Variants in ZFHX3 observed in about 807,000 individuals in gnomAD.
ZFHX3 encodes zinc finger homeobox 3.
ZFHX3 carries 42 observed loss-of-function variants against 279.1 expected under a neutral mutation model. The observed-to-expected ratio is 0.15, with a 90% CI of 0.12 to 0.19. The LOEUF (loss-of-function observed/expected upper bound fraction) is 0.19, where lower values mean the gene tolerates loss of function less well. Among genes scored for constraint, ZFHX3 ranks in the 10% least tolerant of loss-of-function variants. ZFHX3 has a pLI of 1.00. For synonymous variants in ZFHX3, 2,293 were observed against 1,957.8 expected (o/e 1.17, Z -4.52); for missense variants, 4,981 against 4,754.0 (o/e 1.05, Z -1.40).
At chr16:73,331,944 G>C (rs749082553) in intron 3 of ZFHX3, among the ~76,000 whole-genome samples, 1 of 152,126 alleles carries the variant, frequency 6.6e-6, no homozygotes, top group Non-Finnish European at 1.5e-5. Context: ...GTGGTTAAAA[G>C]TCCTATACCA....
intron 1 of ZFHX3, among the ~76,000 whole-genome samples, chr16:73,748,322 C>A (rs958313954): frequency 1.3e-5 from 2 of 152,188 alleles, no homozygotes; most frequent in African/African-American, 2.4e-5. Context: ...CTGATTGCCT[C>A]CATCTACCAT....
chr16:73,454,693 C>G (rs528888190), intron 3 of ZFHX3, among the ~76,000 whole-genome samples: 1 of 152,074 alleles, frequency 6.6e-6, no homozygotes, highest in African/African-American at 2.4e-5. Context: ...GTATCACCCC[C>G]CTCTCCCCCA....
intron 2 of ZFHX3, among the ~76,000 whole-genome samples, chr16:73,571,813 G>A (rs942032090): frequency 2.2e-4 from 34 of 151,998 alleles, no homozygotes; most frequent in African/African-American, 7.0e-4. Context: ...TCGTGAAAGG[G>A]GTGTCTCAAA....
At chr16:73,530,762 T>C (rs1006740616) in intron 2 of ZFHX3, among the ~76,000 whole-genome samples, 1 of 152,200 alleles carries the variant, frequency 6.6e-6, no homozygotes, top group African/African-American at 2.4e-5. Context: ...ACATGATTGT[T>C]TGTGTGCTTA....
intron 4 of ZFHX3, among the ~76,000 whole-genome samples, chr16:72,876,313 T>C (rs1567559738): frequency 6.6e-6 from 1 of 152,184 alleles, no homozygotes; most frequent in Non-Finnish European, 1.5e-5. Flanking sequence ...TTGAGAAACA[T>C]GATGGAATAA....
intron 2 of ZFHX3, among the ~76,000 whole-genome samples, chr16:73,624,573 C>T (rs1048358335): frequency 1.3e-5 from 2 of 151,406 alleles, no homozygotes; most frequent in African/African-American, 4.9e-5. Flanking sequence ...ATAGAATGTC[C>T]ATCATTTTTT....
chr16:73,170,223 GTTT>G (rs1156523996), intron 5 of ZFHX3, among the ~76,000 whole-genome samples: 31 of 57,742 alleles, frequency 5.4e-4, no homozygotes, highest in African/African-American at 1.0e-3. Flanking sequence ...CCTTTCACTA[GTTT>G]TTTTTTTTTT....
chr16:73,834,148 T>C (rs1178461121), intron 1 of ZFHX3, among the ~76,000 whole-genome samples: 2 of 152,186 alleles, frequency 1.3e-5, no homozygotes, highest in Admixed American at 6.5e-5. Context: ...AGGTTGATTC[T>C]GGAATGTCTG....
chr16:73,620,792 A>C (rs957088625), intron 2 of ZFHX3, among the ~76,000 whole-genome samples: 1 of 152,234 alleles, frequency 6.6e-6, no homozygotes, highest in Admixed American at 6.5e-5. Flanking sequence ...ATTGGCTAAA[A>C]ATCAAGAATA....
At chr16:73,095,171 C>T (rs988572353) in intron 7 of ZFHX3, among the ~76,000 whole-genome samples, 1 of 152,112 alleles carries the variant, frequency 6.6e-6, no homozygotes, top group African/African-American at 2.4e-5. Context: ...GTGATCCTCC[C>T]ACTTTGGCCT....
chr16:73,010,676 G>A (rs1477426631), intron 1 of ZFHX3, among the ~76,000 whole-genome samples: 1 of 152,136 alleles, frequency 6.6e-6, no homozygotes, highest in Non-Finnish European at 1.5e-5. Flanking sequence ...TCTCCACTCT[G>A]CCTGATGTGC....
At chr16:73,375,519 G>GAC (rs1278396776) in intron 3 of ZFHX3, among the ~76,000 whole-genome samples, 2 of 151,952 alleles carry the variant, frequency 1.3e-5, no homozygotes, top group Non-Finnish European at 2.9e-5. Context: ...AAAAATTGTA[G>GAC]ACACACACAC....
intron 4 of ZFHX3, among the ~76,000 whole-genome samples, chr16:73,316,528 A>G (rs1185432725): frequency 1.3e-5 from 2 of 152,182 alleles, no homozygotes; most frequent in African/African-American, 4.8e-5. Flanking sequence ...CCTAATACCT[A>G]GTAGATACTC....
At chr16:73,621,286 AG>A (rs933366048) in intron 2 of ZFHX3, among the ~76,000 whole-genome samples, 5 of 152,166 alleles carry the variant, frequency 3.3e-5, no homozygotes, top group Admixed American at 6.5e-5. Context: ...CCAAATTTCT[AG>A]GTCTCGATAA....
chr16:73,800,372 C>A (rs1489834393), intron 1 of ZFHX3, among the ~76,000 whole-genome samples: 1 of 151,996 alleles, frequency 6.6e-6, no homozygotes, highest in Admixed American at 6.6e-5. Flanking sequence ...TGCACACCAC[C>A]CGCCTGGCTA....
At chr16:73,372,757 A>C (rs2016653880) in intron 3 of ZFHX3, among the ~76,000 whole-genome samples, 1 of 152,236 alleles carries the variant, frequency 6.6e-6, no homozygotes, top group South Asian at 2.1e-4. Context: ...CAGAATTTCC[A>C]CATGAATCAC....
chr16:72,886,164 G>C (rs2038616402), intron 4 of ZFHX3, among the ~76,000 whole-genome samples: 1 of 152,192 alleles, frequency 6.6e-6, no homozygotes, highest in Non-Finnish European at 1.5e-5. Context: ...ACGGAACCAA[G>C]TTCTTGTTAA....
chr16:73,013,938 C>T (rs1964006021), intron 1 of ZFHX3, among the ~76,000 whole-genome samples: 1 of 152,132 alleles, frequency 6.6e-6, no homozygotes, highest in African/African-American at 2.4e-5. Flanking sequence ...AATATGTTAC[C>T]TTCTACAGCA....
At chr16:73,371,106 G>A (rs2016620105) in intron 3 of ZFHX3, among the ~76,000 whole-genome samples, 1 of 152,098 alleles carries the variant, frequency 6.6e-6, no homozygotes, top group Admixed American at 6.5e-5. Flanking sequence ...TGGATCACCT[G>A]AGGTCAGGAG....
Sources: gnomAD v4.1 joint callset for allele counts (sites outside exome capture counted in the v4.1 genomes callset) on GRCh38, gnomAD v4.1.1 for gene constraint, MANE v1.5 for transcripts, NCBI Gene and HGNC (gene_info 2026-07-23, HGNC 2026-07-21) for gene names.